Variants in BLTP3A observed in about 807,000 individuals in gnomAD.
BLTP3A encodes the protein bridge-like lipid transfer protein family member 3A.
the BLTP3A span, among the ~76,000 whole-genome samples, chr6:34,801,553 A>G: frequency 6.6e-6 from 1 of 152,234 alleles, no homozygotes; most frequent in East Asian, 1.9e-4. Context: ...CCTGCAGTAC[A>G]TGGAATAATC....
chr6:34,799,660 A>T, the BLTP3A span, among the ~76,000 whole-genome samples: 1 of 152,216 alleles, frequency 6.6e-6, no homozygotes, highest in Admixed American at 6.5e-5. Flanking sequence ...GATTCCAAAA[A>T]GTGGCTGTGA....
chr6:34,850,357 T>G, the BLTP3A span, among the ~76,000 whole-genome samples: 4 of 152,162 alleles, frequency 2.6e-5, no homozygotes, highest in African/African-American at 7.2e-5. Context: ...TAAATATGCT[T>G]GTATTCTATA....
chr6:34,855,488 C>T, the BLTP3A span: 1 of 1,012,618 alleles, frequency 9.9e-7, no homozygotes, highest in East Asian at 2.6e-5. Context: ...CACATCCTGG[C>T]CTTTTGGCTG....
At chr6:34,794,846 G>A in the BLTP3A span, among the ~76,000 whole-genome samples, 4 of 151,418 alleles carry the variant, frequency 2.6e-5, no homozygotes, top group East Asian at 1.9e-4. Flanking sequence ...GTGCAGTGGC[G>A]CGATCTCGGC....
chr6:34,870,577 A>G, the BLTP3A span, among the ~76,000 whole-genome samples: 1 of 152,218 alleles, frequency 6.6e-6, no homozygotes. Context: ...TCACATTCAT[A>G]ACAAGGCCAA....
chr6:34,869,867 T>C, the BLTP3A span, among the ~76,000 whole-genome samples: 1 of 152,084 alleles, frequency 6.6e-6, no homozygotes, highest in Admixed American at 6.5e-5. Context: ...CAGGATGGTC[T>C]TGAACTCCTG....
the BLTP3A span, among the ~76,000 whole-genome samples, chr6:34,830,606 A>C: frequency 3.3e-5 from 5 of 151,872 alleles, no homozygotes; most frequent in Admixed American, 1.3e-4. Context: ...GAAAAAAAAA[A>C]CCCACAAAGC....
At chr6:34,792,152 G>T in the BLTP3A span, 1 of 1,184,454 alleles carries the variant, frequency 8.4e-7, no homozygotes, top group Non-Finnish European at 1.1e-6. Flanking sequence ...TGTGTCCGGT[G>T]CTCACGCCGC....
At chr6:34,804,435 A>C in the BLTP3A span, among the ~76,000 whole-genome samples, 1 of 151,954 alleles carries the variant, frequency 6.6e-6, no homozygotes, top group Admixed American at 6.5e-5. Context: ...GTCTGTAAGC[A>C]GAAAGCCCAG....
chr6:34,792,126 T>TGGCGGC, the BLTP3A span: 29,082 of 708,944 alleles, frequency 0.041, 844 homozygotes, highest in Middle Eastern at 0.068. Context: ...GAAAGCGCCA[T>TGGCGGC]GGCGGCGGCG....
chr6:34,872,605 C>T, the BLTP3A span: 2 of 847,842 alleles, frequency 2.4e-6, no homozygotes, highest in South Asian at 2.4e-5. Flanking sequence ...GCTGTTCTTA[C>T]TTGGACTGAG....
chr6:34,864,176 C>T, the BLTP3A span: 1 of 1,613,834 alleles, frequency 6.2e-7, no homozygotes, highest in East Asian at 2.2e-5. Context: ...GCAGTGATAG[C>T]TTTGTGATGC....
At chr6:34,822,620 C>T in the BLTP3A span, among the ~76,000 whole-genome samples, 6 of 152,042 alleles carry the variant, frequency 3.9e-5, no homozygotes, top group Admixed American at 6.6e-5. Context: ...CTTTGGGAGG[C>T]AGAGGTGGGT....
the BLTP3A span, among the ~76,000 whole-genome samples, chr6:34,869,804 A>G: frequency 6.6e-6 from 1 of 151,908 alleles, no homozygotes; most frequent in South Asian, 2.1e-4. Context: ...GGTGCCTGCC[A>G]CCACGCCTGA....
chr6:34,826,114 C>A, the BLTP3A span, among the ~76,000 whole-genome samples: 1 of 149,706 alleles, frequency 6.7e-6, no homozygotes, highest in Non-Finnish European at 1.5e-5. Context: ...CTGCAACCAC[C>A]GCTTCCTGGG....
chr6:34,857,540 A>G, the BLTP3A span: 1 of 1,563,540 alleles, frequency 6.4e-7, no homozygotes. Flanking sequence ...TGGGGCCACT[A>G]CGTATATTTT....
the BLTP3A span, chr6:34,792,136 G>GGCGGCGGCGGCGGCGGCGGCA: frequency 2.1e-6 from 2 of 931,968 alleles, no homozygotes; most frequent in Non-Finnish European, 2.9e-6. Flanking sequence ...TGGCGGCGGC[G>GGCGGCGGCGGCGGCGGCGGCA]GCGGCTGTGT....
the BLTP3A span, chr6:34,871,547 G>GGT: frequency 1.3e-6 from 2 of 1,594,196 alleles, no homozygotes; most frequent in Non-Finnish European, 8.6e-7. Flanking sequence ...GCTCTGAGCT[G>GGT]GTGGGGGGCA....
the BLTP3A span, among the ~76,000 whole-genome samples, chr6:34,829,332 A>G: frequency 2.6e-5 from 4 of 152,228 alleles, no homozygotes; most frequent in Non-Finnish European, 1.5e-5. Flanking sequence ...ATATAAATGA[A>G]ATCATACACT....
Sources: allele counts gnomAD v4.1 joint callset (sites outside exome capture counted in the v4.1 genomes callset), GRCh38; gene constraint gnomAD v4.1.1; transcripts MANE v1.5; gene names NCBI Gene and HGNC (gene_info 2026-07-23, HGNC 2026-07-21).